PDXDC1: variants seen among roughly 807,000 people sequenced by gnomAD.
PDXDC1 encodes pyridoxal-dependent decarboxylase domain-containing protein 1.
PDXDC1 carries 42 observed loss-of-function variants against 100.1 expected under a neutral mutation model. That is an observed-to-expected ratio of 0.42 (90% CI 0.33 to 0.54). The LOEUF is 0.54. Among genes scored for constraint, PDXDC1 ranks in the 20% least tolerant of loss-of-function variants. The pLI, the probability that PDXDC1 is intolerant of heterozygous loss-of-function variation, is 0.10. For missense variants in PDXDC1, 636 were observed against 979.2 expected (o/e 0.65, Z 4.68); for synonymous variants, 260 against 371.7 (o/e 0.70, Z 3.46).
intron 16 of PDXDC1, among the ~76,000 whole-genome samples, chr16:15,055,518 G>C (rs1048628043): frequency 3.9e-5 from 6 of 152,234 alleles, no homozygotes; most frequent in Non-Finnish European, 8.8e-5. Flanking sequence ...CGCAGGCTGC[G>C]GGTCCCCGAA....
At chr16:15,071,582 A>T (rs985886039) in intron 16 of PDXDC1, among the ~76,000 whole-genome samples, 15 of 152,232 alleles carry the variant, frequency 9.9e-5, no homozygotes, top group Non-Finnish European at 1.5e-5. Flanking sequence ...AGCCTGGCCA[A>T]CATGGAGAAA....
intron 8 of PDXDC1, among the ~76,000 whole-genome samples, chr16:15,011,297 A>C (rs1201373118): frequency 3.9e-5 from 6 of 152,300 alleles, no homozygotes; most frequent in Non-Finnish European, 8.8e-5. Context: ...GAGTAATTCG[A>C]GGGAGAAAGG....
intron 1 of PDXDC1, among the ~76,000 whole-genome samples, chr16:14,993,717 C>A (rs1276416614): frequency 1.2e-4 from 19 of 152,418 alleles, no homozygotes; most frequent in Admixed American, 6.5e-5. Context: ...GGAATCGCCA[C>A]ACTGACTTCC....
At chr16:15,023,894 T>C (rs990816835) in intron 13 of PDXDC1, among the ~76,000 whole-genome samples, 2 of 152,292 alleles carry the variant, frequency 1.3e-5, no homozygotes, top group Non-Finnish European at 2.9e-5. Flanking sequence ...CAAGCTTGAC[T>C]GTCAAATGAA....
At chr16:15,146,590 G>C in the PDXDC1 span, among the ~76,000 whole-genome samples, 1 of 152,160 alleles carries the variant, frequency 6.6e-6, no homozygotes, top group Non-Finnish European at 1.5e-5. Flanking sequence ...ACGCGGCCCT[G>C]CGCTGAAGGC....
At chr16:15,132,009 GGGGGATAA>G (rs1327268754) in intron 16 of PDXDC1, among the ~76,000 whole-genome samples, 35 of 10,326 alleles carry the variant, frequency 3.4e-3, no homozygotes, top group East Asian at 8.1e-3. Context: ...GGGAGGGGAA[GGGGGATAA>G]GGGGATAAGG....
At chr16:15,001,383 G>A (rs1465255201) in intron 3 of PDXDC1, among the ~76,000 whole-genome samples, 1 of 152,286 alleles carries the variant, frequency 6.6e-6, no homozygotes, top group Non-Finnish European at 1.5e-5. Context: ...CAGCTACTCA[G>A]GAGGCTGAGG....
chr16:15,085,611 C>T (rs777979590), intron 16 of PDXDC1: 2 of 1,605,778 alleles, frequency 1.2e-6, no homozygotes, highest in Non-Finnish European at 1.7e-6. Context: ...AGCTACTGTG[C>T]CCAGGCTTTA....
chr16:15,077,387 C>T (rs539609956), intron 16 of PDXDC1, among the ~76,000 whole-genome samples: 2 of 152,160 alleles, frequency 1.3e-5, no homozygotes, highest in South Asian at 4.2e-4. Flanking sequence ...ATACTGTTCT[C>T]GTGATAGTGA....
At chr16:15,098,384 A>G (rs2046431067) in intron 16 of PDXDC1, among the ~76,000 whole-genome samples, 4 of 149,116 alleles carry the variant, frequency 2.7e-5, no homozygotes, top group Admixed American at 6.7e-5. Flanking sequence ...TATTTTTAGT[A>G]GAGATGGGGT....
the PDXDC1 span, among the ~76,000 whole-genome samples, chr16:15,148,727 T>G: frequency 1.3e-5 from 2 of 151,824 alleles, no homozygotes; most frequent in East Asian, 3.9e-4. Context: ...TAGTGTTCCC[T>G]GTATGATCTG....
Position 15,022,781 on chromosome 16 carries a change from C to T in PDXDC1, c.1140+27C>T, listed in dbSNP as rs568796784. Reference sequence around the variant, plus strand: ...TATAGTATATAAGTTCATCTGTTTTCAAAATATAACTTTTTTTGAACCTCA... The same window carrying T: ...TATAGTATATAAGTTCATCTGTTTTTAAAATATAACTTTTTTTGAACCTCA... On this transcript the variant is annotated intron_variant, in intron 13 of 22. Coordinates refer to ENST00000396410, the MANE Select transcript of PDXDC1 (RefSeq NM_015027.4). 12 of 1,558,146 alleles carry T rather than the reference C, an allele frequency of 7.7e-6. 1 individual carries two copies. In the South Asian group the frequency reaches 1.2e-4, roughly 15 times the overall value.
intron 16 of PDXDC1, among the ~76,000 whole-genome samples, chr16:15,043,808 T>G (rs2043932118): frequency 6.6e-6 from 1 of 151,662 alleles, no homozygotes; most frequent in Non-Finnish European, 1.5e-5. Flanking sequence ...ATTAGGTGGG[T>G]GTGGTGGCGC....
chr16:15,044,501 A>G, intron 16 of PDXDC1: 2 of 827,520 alleles, frequency 2.4e-6, no homozygotes, highest in South Asian at 1.4e-5. Flanking sequence ...TTCCATGAAC[A>G]CTTGCTCTAC....
downstream of PDXDC1, chr16:15,041,138 T>C: frequency 6.9e-7 from 1 of 1,450,690 alleles, no homozygotes; most frequent in Non-Finnish European, 9.7e-7. Flanking sequence ...AATAAGAATG[T>C]TTAAGATACA....
intron 13 of PDXDC1, among the ~76,000 whole-genome samples, chr16:15,024,063 A>T: frequency 6.6e-6 from 1 of 152,254 alleles, no homozygotes; most frequent in Non-Finnish European, 1.5e-5. Flanking sequence ...CTGCTCCCTT[A>T]TTCTCAAATT....
downstream of PDXDC1, among the ~76,000 whole-genome samples, chr16:15,140,088 T>C (rs1293256834): frequency 3.1e-5 from 2 of 63,754 alleles, no homozygotes; most frequent in Non-Finnish European, 5.5e-5. Flanking sequence ...ATAGCGAGAC[T>C]CCATCTCAAA....
chr16:15,136,423 C>A lies in PDXDC1; in HGVS notation c.1400-2456C>A. On this transcript the variant is annotated intron_variant, in intron 16 of 16. Transcript: ENST00000535621. ...TCTGCATCTGCAGAGCTGACAGGAA[C>A]GGCCCCACCGGCCGGCGCCACCTGC... The A allele has an allele frequency of 8.3e-6, 5 of 601,258 alleles. 1 individual carries two copies. Among genetic ancestry groups the A allele is most frequent in the Non-Finnish European group, 1.5e-5 (5 of 337,586 alleles). The allele number at this position is 601,258 out of a possible 1,614,324, so 37.2% of individuals were successfully genotyped here.
Position 14,975,026 on chromosome 16 carries a change from C to T in PDXDC1, c.-174C>T. On this transcript the variant is annotated 5_prime_UTR_variant, in exon 1 of 23. Transcript: ENST00000396410. ...GCGCTACGGGGCCCCGCCCCGCCGCCTCTCAACCATCAGGTTCGGCAGCCC... is the reference window on the plus strand; with the variant it reads ...GCGCTACGGGGCCCCGCCCCGCCGCTTCTCAACCATCAGGTTCGGCAGCCC... 1 of 1,531,912 alleles carries T rather than the reference C, an allele frequency of 6.5e-7. No homozygotes were observed. Among genetic ancestry groups the T allele is most frequent in the Non-Finnish European group, 8.7e-7 (1 of 1,144,742 alleles). 94.9% of individuals were successfully genotyped at this position (1,531,912 alleles called of 1,614,324 possible).
Sources: gnomAD v4.1 joint callset for allele counts (sites outside exome capture counted in the v4.1 genomes callset) on GRCh38, gnomAD v4.1.1 for gene constraint, MANE v1.5 for transcripts, NCBI Gene and HGNC (gene_info 2026-07-23, HGNC 2026-07-21) for gene names.